The following PYY variants were observed in gnomAD, a reference collection of about 807,000 sequenced individuals.
PYY encodes peptide YY.
In PYY, 12 loss-of-function variants were observed where a neutral mutation model predicts 10.3. The observed-to-expected ratio is 1.17, with a 90% CI of 0.75 to 1.89. The LOEUF (loss-of-function observed/expected upper bound fraction) is 1.89, where lower values mean the gene tolerates loss of function less well. PYY is among the 40% of genes most tolerant of loss of function. The pLI, the probability that PYY is intolerant of heterozygous loss-of-function variation, is 0.00. For missense variants in PYY, 141 were observed against 134.0 expected, an observed-to-expected ratio of 1.05 and a Z score of -0.26; for synonymous variants, 66 against 62.0, an observed-to-expected ratio of 1.06 and a Z score of -0.30.
intron 1 of PYY, among the ~76,000 whole-genome samples, chr17:43,972,375 G>T (rs930152925): frequency 2.0e-5 from 3 of 151,822 alleles, no homozygotes; most frequent in Non-Finnish European, 2.9e-5. Flanking sequence ...ACCACGCCGG[G>T]CTAATTTTGT....
Position 43,975,745 on chromosome 17 carries a change from TAC to T in PYY, c.-462-9215_-462-9214del, listed in dbSNP as rs1248065114. 1.9e-4 allele frequency among the ~76,000 whole-genome samples: 20 copies of T among 105,858 alleles called. 3 individuals carry two copies. The highest frequency in any genetic ancestry group is 5.0e-4 in the African/African-American group (9 of 18,098). 69.4% of individuals were successfully genotyped at this position (105,858 alleles called of 152,430 possible). On this transcript the variant is annotated intron_variant, in intron 1 of 6. Coordinates refer to the PYY transcript ENST00000360085. ...AAAAAAATATATATATATATATATA[TAC>T]ACACACACACACATATATATATACA...
intron 2 of PYY, among the ~76,000 whole-genome samples, chr17:43,961,135 A>G (rs930770715): frequency 5.9e-5 from 9 of 151,874 alleles, no homozygotes; most frequent in Non-Finnish European, 1.2e-4. Context: ...CTGAGGTGGG[A>G]GGATCGCTTG....
rs1360940335 is a variant in PYY at position 43,961,225 on chromosome 17, C to CA, written c.-217-3198dup. ...TGGGCAACAGAGCAAAACCCCATCT[C>CA]AAAAAAAAAAACAAACAAGCAAACC... On this transcript the variant is annotated intron_variant, in intron 2 of 6. Coordinates refer to the PYY transcript ENST00000360085. Among the ~76,000 whole-genome samples, 1,081 of 133,932 alleles carry CA rather than the reference C, an allele frequency of 8.1e-3. 1 individual carries two copies. The highest frequency in any genetic ancestry group is 0.012 in the Admixed American group (165 of 13,264). 87.9% of individuals were successfully genotyped at this position (133,932 alleles called of 152,430 possible).
At chr17:43,963,965 G>A (rs1006181000) in intron 2 of PYY, among the ~76,000 whole-genome samples, 5 of 151,714 alleles carry the variant, frequency 3.3e-5, no homozygotes, top group African/African-American at 7.3e-5. Flanking sequence ...AGCTGTGAAC[G>A]TGCCACTGCA....
chr17:43,954,496 A>C (rs1004945839), upstream of PYY, among the ~76,000 whole-genome samples: 25 of 152,124 alleles, frequency 1.6e-4, no homozygotes, highest in African/African-American at 4.8e-4. Flanking sequence ...CCTGACCTGC[A>C]GTTTATGGTG....
chr17:43,992,600 G>A (rs1013534397), intron 1 of PYY, among the ~76,000 whole-genome samples: 11 of 151,902 alleles, frequency 7.2e-5, no homozygotes, highest in East Asian at 1.9e-4. Flanking sequence ...CCAGCTACTC[G>A]GGAGGCTGAG....
rs772838828 is a variant in PYY at position 43,953,108 on chromosome 17, C to T, written c.269+1G>A. On this transcript the variant is annotated splice_donor_variant, in intron 3 of 3. Coordinates refer to ENST00000692052, the MANE Select transcript of PYY (RefSeq NM_001394028.1). LOFTEE classifies it high-confidence loss of function. ...GGATGTGTGGTAACGGGCGCTTTTA[C>T]CGCGACCTGACGGGGCGGTCCTCGC... 1.2e-6 allele frequency: 2 copies of T among 1,613,818 alleles called. No individual in the cohort carries two copies. The highest frequency in any genetic ancestry group is 2.2e-5 in the East Asian group (1 of 44,888).
At chr17:43,986,184 G>A (rs1007111833) in intron 1 of PYY, among the ~76,000 whole-genome samples, 3 of 152,152 alleles carry the variant, frequency 2.0e-5, no homozygotes, top group South Asian at 2.1e-4. Context: ...GCTTAAACCC[G>A]GGAGGCGGGG....
intron 2 of PYY, among the ~76,000 whole-genome samples, chr17:43,960,546 A>AAC (rs568160619): frequency 2.7e-5 from 4 of 147,842 alleles, no homozygotes; most frequent in South Asian, 4.3e-4. Context: ...AAAAAAAAAA[A>AAC]AAAAAAAAAC....
chr17:43,975,389 G>A (rs2048821596), intron 1 of PYY, among the ~76,000 whole-genome samples: 1 of 151,808 alleles, frequency 6.6e-6, no homozygotes, highest in Admixed American at 6.6e-5. Context: ...AGTAAAGCTC[G>A]TGTCACAGGC....
At chr17:43,975,759 C>CAT (rs150835585) in intron 1 of PYY, among the ~76,000 whole-genome samples, 759 of 23,180 alleles carry the variant, frequency 0.033, 221 homozygotes, top group African/African-American at 0.12. Flanking sequence ...CACACACACA[C>CAT]ATATATATAT....
intron 1 of PYY, among the ~76,000 whole-genome samples, chr17:43,983,883 G>C (rs968398799): frequency 6.6e-6 from 1 of 152,236 alleles, no homozygotes; most frequent in Non-Finnish European, 1.5e-5. Context: ...CGCGTGTCCG[G>C]TGCCGGCCGG....
At chr17:43,967,032 G>T (rs750511692) in intron 1 of PYY, among the ~76,000 whole-genome samples, 1 of 152,192 alleles carries the variant, frequency 6.6e-6, no homozygotes, top group African/African-American at 2.4e-5. Context: ...GCCAGACGCG[G>T]TGGCTCACAC....
chr17:43,959,394 A>G (rs1047840024), intron 2 of PYY, among the ~76,000 whole-genome samples: 2 of 152,236 alleles, frequency 1.3e-5, no homozygotes, highest in African/African-American at 4.8e-5. Flanking sequence ...TTAAAAACCA[A>G]TAAAAATAGG....
At chr17:43,961,278 A>G (rs1315590527) in intron 2 of PYY, among the ~76,000 whole-genome samples, 1 of 152,106 alleles carries the variant, frequency 6.6e-6, no homozygotes, top group Non-Finnish European at 1.5e-5. Flanking sequence ...GAGGAGGGAA[A>G]GTATCAGGAA....
rs1186377406 is a variant in PYY at position 43,976,273 on chromosome 17, GTA to G, written c.-462-9743_-462-9742del. On this transcript the variant is annotated intron_variant, in intron 1 of 6. Transcript: ENST00000360085. ...CATATGTATACATGTATACATGTAC[GTA>G]TATATACGCATATGTATACATGTAT... Among the ~76,000 whole-genome samples the G allele has an allele frequency of 5.4e-4, 56 of 103,970 alleles. 3 individuals carry two copies. Among genetic ancestry groups the G allele is most frequent in the East Asian group, 2.6e-3 (9 of 3,524 alleles). The allele number at this position is 103,970 out of a possible 152,430, so 68.2% of individuals were successfully genotyped here. A position where few individuals can be genotyped will look rare whatever the true frequency, so the allele number is the denominator to read the frequency against.
intron 2 of PYY, among the ~76,000 whole-genome samples, chr17:43,959,414 G>A (rs2048696598): frequency 6.6e-6 from 1 of 152,266 alleles, no homozygotes; most frequent in Non-Finnish European, 1.5e-5. Context: ...GCTGGGTGCA[G>A]TGGCTCATGC....
intron 1 of PYY, among the ~76,000 whole-genome samples, chr17:43,978,958 G>T (rs747614842): frequency 6.6e-6 from 1 of 152,238 alleles, no homozygotes; most frequent in Non-Finnish European, 1.5e-5. Context: ...TTTTTCTTCT[G>T]CCCCTTCCTC....
At chr17:43,963,783 C>T (rs1396903065) in intron 2 of PYY, among the ~76,000 whole-genome samples, 1 of 148,806 alleles carries the variant, frequency 6.7e-6, no homozygotes, top group Non-Finnish European at 1.5e-5. Context: ...GACTGGGCAA[C>T]ATAAAGAGAC....
Sources: gnomAD v4.1 joint callset for allele counts (sites outside exome capture counted in the v4.1 genomes callset) on GRCh38, gnomAD v4.1.1 for gene constraint, MANE v1.5 for transcripts, NCBI Gene and HGNC (gene_info 2026-07-23, HGNC 2026-07-21) for gene names.